KCTD14: variants seen among roughly 807,000 people sequenced by gnomAD.
The protein encoded by KCTD14 is BTB/POZ domain-containing protein KCTD14.
Under a neutral mutation model 5.9 loss-of-function variants are expected in KCTD14, and 7 were observed. The ratio of observed to expected loss-of-function variants is 1.19; its 90% CI spans 0.68 to 2.23. The LOEUF is 2.23. Ranked by LOEUF, KCTD14 falls within the 30% of genes most tolerant of loss-of-function variation. The pLI, the probability that KCTD14 is intolerant of heterozygous loss-of-function variation, is 0.00. For missense variants in KCTD14, 342 were observed against 332.2 expected (o/e 1.03, Z -0.23); for synonymous variants, 140 against 133.1 (o/e 1.05, Z -0.36).
At chr11:78,040,536 T>G (rs1262887363) in intron 1 of KCTD14, among the ~76,000 whole-genome samples, 1 of 151,128 alleles carries the variant, frequency 6.6e-6, no homozygotes, top group Non-Finnish European at 1.5e-5. Context: ...CAGCCTCATT[T>G]CTGTGTCTTT....
intron 2 of KCTD14, among the ~76,000 whole-genome samples, chr11:78,028,475 C>A (rs192700211): frequency 6.6e-6 from 1 of 151,768 alleles, no homozygotes; most frequent in South Asian, 2.1e-4. Flanking sequence ...TGGTGGCATG[C>A]GCCTATAGTC....
chr11:78,043,203 AT>A (rs530704898), intron 1 of KCTD14, among the ~76,000 whole-genome samples: 127 of 152,270 alleles, frequency 8.3e-4, no homozygotes, highest in African/African-American at 3.0e-3. Context: ...AACCCCTGGC[AT>A]TTTCTTCTAC....
intron 1 of KCTD14, 26 bp from the exon 2 acceptor site, chr11:78,017,296 C>A: frequency 6.4e-7 from 1 of 1,553,806 alleles, no homozygotes; most frequent in East Asian, 2.3e-5. Flanking sequence ...GCAGAGTAAA[C>A]CAACACGCCA....
chr11:78,019,294 G>A (rs532369403), intron 1 of KCTD14, among the ~76,000 whole-genome samples: 12 of 152,202 alleles, frequency 7.9e-5, no homozygotes, highest in South Asian at 2.1e-4. Flanking sequence ...GATTACAGGC[G>A]TGAGCCACAG....
intron 2 of KCTD14, among the ~76,000 whole-genome samples, chr11:78,032,929 A>G (rs1214866793): frequency 6.6e-6 from 1 of 151,704 alleles, no homozygotes; most frequent in Non-Finnish European, 1.5e-5. Flanking sequence ...TCATCCTCCC[A>G]CCTTAGGCTC....
chr11:78,034,631 G>A (rs4378419), intron 2 of KCTD14, among the ~76,000 whole-genome samples: 66,423 of 151,636 alleles, frequency 0.44, 15,136 homozygotes, highest in African/African-American at 0.58. Flanking sequence ...TACAAATCTC[G>A]TCTTTTTGCT....
upstream of KCTD14, among the ~76,000 whole-genome samples, chr11:78,025,526 C>T (rs574378299): frequency 3.9e-5 from 6 of 152,284 alleles, no homozygotes; most frequent in African/African-American, 1.2e-4. Context: ...ATCAAGTTGA[C>T]AGTCAGTATT....
At chr11:78,038,694 A>G (rs1032184723) in exon 2 of KCTD14, 26 of 1,535,662 alleles carry the variant, frequency 1.7e-5, no homozygotes, top group African/African-American at 2.7e-5. Flanking sequence ...AACTCCCCAC[A>G]GCAAACACAG....
In KCTD14 at chr11:78,038,033, A is replaced by G. The variant is rs565718170; in HGVS notation, c.-1+631T>C. Among the ~76,000 whole-genome samples, 8 of 148,624 alleles carry G rather than the reference A, an allele frequency of 5.4e-5. No homozygotes were observed. The South Asian group carries it at 1.5e-3, about 28-fold the overall frequency. ...ATCAGTGCTACCTGACTCTTGCCCC[A>G]GGCTTCCCCACCAGACCAGCATGGA... is the stretch of plus-strand genomic sequence containing the variant. On this transcript the variant is annotated intron_variant, in intron 2 of 2. Transcript: ENST00000533144.
upstream of KCTD14, among the ~76,000 whole-genome samples, chr11:78,025,156 A>ATATATATATATAT (rs1591181790): frequency 7.7e-6 from 1 of 130,694 alleles, no homozygotes; most frequent in Admixed American, 8.1e-5. Context: ...ATATATATAT[A>ATATATATATATAT]AAGGGGAGTT....
intron 1 of KCTD14, among the ~76,000 whole-genome samples, chr11:78,043,685 G>A (rs912754269): frequency 2.6e-5 from 4 of 152,186 alleles, no homozygotes; most frequent in African/African-American, 9.7e-5. Flanking sequence ...ACCAAAAGGT[G>A]TTGGTCAAGT....
In KCTD14 at chr11:78,016,942, A is replaced by G. The variant is rs1423203722; in HGVS notation, c.419T>C (p.Leu140Pro). ...GTTCTCGCTGTAGCCCGGCACTTGC[A>G]GCAAAAACTGCTTCCGAGACACCTG... ...GEQVSRKQFLLQVPGYSENLE... is the reference protein window; with the variant it reads ...GEQVSRKQFLPQVPGYSENLE... The change falls in exon 2 of 2, where the codon CTG becomes CCG. Residue 140 changes from leucine to proline, a missense_variant. Transcript: ENST00000353172. 6.2e-7 allele frequency: 1 copy of G among 1,614,212 alleles called. No individual in the cohort carries two copies. The highest frequency in any genetic ancestry group is 1.1e-5 in the South Asian group (1 of 91,088).
rs1349867973 is a variant in KCTD14, at chr11:78,023,195, G to C, written c.55C>G (p.Pro19Ala). 6.2e-7 allele frequency: 1 copy of C among 1,605,962 alleles called. No homozygotes were observed. The highest frequency in any genetic ancestry group is 8.5e-7 in the Non-Finnish European group (1 of 1,178,320). The change falls in exon 1 of 2, where the codon CCT becomes GCT. Residue 19 changes from proline to alanine, a missense_variant. Physicochemically the swap from Pro to Ala is conservative, Grantham distance 27. Coordinates refer to ENST00000353172, the MANE Select transcript of KCTD14 (RefSeq NM_023930.4). ...RPVGRMTSQT[P>A]LPQSPRPRRP... The stretch of plus-strand genomic sequence containing the variant: ...CTGGGCCGGGGGGACTGGGGCAGAG[G>C]GGTCTGGCTCGTCATCCTGCCCACT...
chr11:78,041,688 T>G (rs940276140), intron 1 of KCTD14, among the ~76,000 whole-genome samples: 17 of 152,330 alleles, frequency 1.1e-4, no homozygotes, highest in Admixed American at 9.8e-4. Flanking sequence ...CGGCTCGAGC[T>G]GAGCTTTCGC....
At chr11:78,042,557 G>A (rs930288755) in intron 1 of KCTD14, among the ~76,000 whole-genome samples, 1 of 152,070 alleles carries the variant, frequency 6.6e-6, no homozygotes, top group African/African-American at 2.4e-5. Context: ...CCTAACCTAT[G>A]CGCTTTGAAC....
chr11:78,033,901 G>GTGTGTATATATATATA lies in KCTD14; in HGVS notation c.-1+4762_-1+4763insTATATATATATACACA. The stretch of plus-strand genomic sequence containing the variant: ...ATAGTGTGTGTGTATGTGTGTGTGT[G>GTGTGTATATATATATA]TATATATATATATACACACATTATA... On this transcript the variant is annotated intron_variant, in intron 2 of 2. Transcript: ENST00000533144. Among the ~76,000 whole-genome samples, 325 of 115,554 alleles carry GTGTGTATATATATATA rather than the reference G, an allele frequency of 2.8e-3. 1 individual carries two copies. Among genetic ancestry groups the GTGTGTATATATATATA allele is most frequent in the African/African-American group, 6.6e-3 (189 of 28,566 alleles). 75.8% of individuals were successfully genotyped at this position (115,554 alleles called of 152,430 possible). A position where few individuals can be genotyped will look rare whatever the true frequency, so the allele number is the denominator to read the frequency against.
intron 2 of KCTD14, among the ~76,000 whole-genome samples, chr11:78,034,483 C>G (rs746068706): frequency 1.3e-5 from 2 of 151,938 alleles, no homozygotes; most frequent in Non-Finnish European, 2.9e-5. Flanking sequence ...CTCTCTGCCT[C>G]TCTCCTCTCT....
chr11:78,042,007 TGCCACCATCTTGGAAGTAGCTC>T (rs1305128265), intron 1 of KCTD14, among the ~76,000 whole-genome samples: 1 of 149,594 alleles, frequency 6.7e-6, no homozygotes. Flanking sequence ...GGAAGTGGCC[TGCCACCATCTTGGAAGTAGCTC>T]GCCACCATCT....
chr11:78,038,724 T>C (rs1174902206), exon 2 of KCTD14: 1 of 1,535,620 alleles, frequency 6.5e-7, no homozygotes, highest in Non-Finnish European at 8.7e-7. Flanking sequence ...CAGAGAGGGA[T>C]CCTGGGGACA....
Sources: allele counts gnomAD v4.1 joint callset (sites outside exome capture counted in the v4.1 genomes callset), GRCh38; gene constraint gnomAD v4.1.1; transcripts MANE v1.5; gene names NCBI Gene and HGNC (gene_info 2026-07-23, HGNC 2026-07-21).